GPR137B: variants seen among roughly 807,000 people sequenced by gnomAD.
GPR137B encodes the protein G protein-coupled receptor 137B.
Under a neutral mutation model 42.5 loss-of-function variants are expected in GPR137B, and 42 were observed. That is an observed-to-expected ratio of 0.99 (90% CI 0.77 to 1.28). The LOEUF is 1.28. Ranked by LOEUF, GPR137B falls within the 50% of genes most tolerant of loss-of-function variation. The pLI, the probability that GPR137B is intolerant of heterozygous loss-of-function variation, is 0.00. For synonymous variants in GPR137B, 218 were observed against 209.7 expected (o/e 1.04, Z -0.34); for missense variants, 487 against 493.9 (o/e 0.99, Z 0.13).
At chr1:236,152,067 G>A (rs897475366) in intron 1 of GPR137B, among the ~76,000 whole-genome samples, 3 of 152,140 alleles carry the variant, frequency 2.0e-5, no homozygotes, top group Admixed American at 1.3e-4. Context: ...CTATCCATGC[G>A]AGAGGGCCTC....
At position 236,156,850 on chromosome 1, in the gene GPR137B, C is replaced by T. The variant is rs1486857832; in HGVS notation, c.415-11856C>T. Among the ~76,000 whole-genome samples the T allele has an allele frequency of 2.0e-5, 3 of 152,152 alleles. No homozygotes were observed. Among genetic ancestry groups the T allele is most frequent in the Admixed American group, 1.3e-4 (2 of 15,274 alleles). On this transcript the variant is annotated intron_variant, in intron 1 of 6. Transcript: ENST00000366592. This position sits in a 1 kb window ranked among gnomAD's most constrained non-coding sequence, Gnocchi z 4.8. ...GCAGAGGGACCAGGAGAGCAAATAT[C>T]GAATGCGTCAGTGGTTCTTAACCTT...
In GPR137B at chr1:236,178,310, C is replaced by T. The variant is rs183179442; in HGVS notation, c.465-104C>T. On this transcript the variant is annotated intron_variant, in intron 2 of 6. Coordinates refer to ENST00000366592, the MANE Select transcript of GPR137B (RefSeq NM_003272.4). ...TGCCAGAGTCCAAGCTCTTAAATGT[C>T]ACCTTTGGTGTGTCTGCTTCTAGCA... The T allele has an allele frequency of 8.8e-4, 616 of 700,354 alleles. 1 individual carries two copies. The African/African-American group carries it at 0.01, about 12-fold the overall frequency. The allele number at this position is 700,354 out of a possible 1,614,324, so 43.4% of individuals were successfully genotyped here.
chr1:236,174,340 C>T (rs1201127298), intron 2 of GPR137B, among the ~76,000 whole-genome samples: 1 of 152,146 alleles, frequency 6.6e-6, no homozygotes, highest in Non-Finnish European at 1.5e-5. Flanking sequence ...TGCAGAAAGA[C>T]AGGAGGTGGA....
chr1:236,196,054 G>A (rs1209666336), intron 5 of GPR137B, among the ~76,000 whole-genome samples: 1 of 151,872 alleles, frequency 6.6e-6, no homozygotes, highest in Non-Finnish European at 1.5e-5. Context: ...TTCTTTTACT[G>A]TGCAAAAGCT....
chr1:236,189,216 C>G (rs998279059), intron 5 of GPR137B, among the ~76,000 whole-genome samples: 6 of 151,990 alleles, frequency 3.9e-5, no homozygotes, highest in African/African-American at 1.5e-4. Context: ...CTCTTTTCTT[C>G]TTTATTAGTC....
intron 1 of GPR137B, among the ~76,000 whole-genome samples, chr1:236,163,082 C>T (rs1362081915): frequency 6.6e-6 from 1 of 152,192 alleles, no homozygotes; most frequent in East Asian, 1.9e-4. Context: ...TGGAGCTGCC[C>T]AAGACCATGG....
At chr1:236,161,717 T>A (rs904783456) in intron 1 of GPR137B, among the ~76,000 whole-genome samples, 3 of 152,152 alleles carry the variant, frequency 2.0e-5, no homozygotes, top group Non-Finnish European at 2.9e-5. Context: ...CAAGATCTGA[T>A]GGGTTTATCA....
rs993669585 is a variant in GPR137B at position 236,142,781 on chromosome 1, C to G, written c.159C>G (p.Tyr53Ter). Residue 53 changes from tyrosine (Y) to a stop codon, truncating the protein, a stop_gained, in exon 1 of 7, where the codon TAC (tyrosine) becomes TAG (stop). Coordinates refer to ENST00000366592, the MANE Select transcript of GPR137B (RefSeq NM_003272.4). LOFTEE classifies it high-confidence loss of function. Reference protein sequence around the residue: ...LGLTVVYTVFYALLFVFIYVQ... With the variant: ...LGLTVVYTVF ...TCACCGTCGTCTACACCGTGTTCTA[C>G]GCGCTGCTCTTCGTGTTCATCTACG... is the stretch of plus-strand genomic sequence containing the variant. The G allele has an allele frequency of 3.7e-6, 6 of 1,613,874 alleles. No individual in the cohort carries two copies. Among genetic ancestry groups the G allele is most frequent in the Non-Finnish European group, 5.1e-6 (6 of 1,179,986 alleles).
intron 5 of GPR137B, among the ~76,000 whole-genome samples, chr1:236,185,588 C>T (rs2102915193): frequency 6.6e-6 from 1 of 152,300 alleles, no homozygotes; most frequent in Admixed American, 6.5e-5. Flanking sequence ...CAGGGTCTTG[C>T]TCTGTCACCC....
At chr1:236,149,339 A>C (rs1558477689) in intron 1 of GPR137B, among the ~76,000 whole-genome samples, 1 of 152,110 alleles carries the variant, frequency 6.6e-6, no homozygotes, top group Non-Finnish European at 1.5e-5. Flanking sequence ...AGAGGAGGAA[A>C]TTCTCCCAGG....
chr1:236,185,360 A>G (rs2102915071), intron 5 of GPR137B, among the ~76,000 whole-genome samples: 1 of 152,318 alleles, frequency 6.6e-6, no homozygotes, highest in East Asian at 1.9e-4. Context: ...GCCAGACTTC[A>G]GAGTCTAGGT....
rs148130583 is a variant in GPR137B at position 236,150,625 on chromosome 1, T to A, written c.414+7589T>A. Among the ~76,000 whole-genome samples, 2 of 152,328 alleles carry A rather than the reference T, an allele frequency of 1.3e-5. No homozygotes were observed. Among genetic ancestry groups the A allele is most frequent in the East Asian group, 3.9e-4 (2 of 5,188 alleles). On this transcript the variant is annotated intron_variant, in intron 1 of 6. Transcript: ENST00000366592. The surrounding 1 kb of genome is among the most constrained non-coding windows in gnomAD (Gnocchi z 6.2). Reference sequence around the variant, plus strand: ...AACCCCAGTGACCATGCAGGAAGCCTGGACTTCCCCACAGCAGAGGCTGGG... The same window carrying A: ...AACCCCAGTGACCATGCAGGAAGCCAGGACTTCCCCACAGCAGAGGCTGGG...
rs1025336618 is a variant in GPR137B, at chr1:236,155,739, G to A, written c.414+12703G>A. Among the ~76,000 whole-genome samples, 7 of 152,146 alleles carry A rather than the reference G, an allele frequency of 4.6e-5. No individual in the cohort carries two copies. Among genetic ancestry groups the A allele is most frequent in the Non-Finnish European group, 8.8e-5 (6 of 68,014 alleles). On this transcript the variant is annotated intron_variant, in intron 1 of 6. Transcript: ENST00000366592. This position sits in a 1 kb window ranked among gnomAD's most constrained non-coding sequence, Gnocchi z 4.6. The stretch of plus-strand genomic sequence containing the variant: ...AGGAGGGGAGAGGTGCTTGCTGCCC[G>A]GAGAGCTGAGCTGCTGGGAACAGGA...
chr1:236,208,035 TTTTTTC>T lies in GPR137B; in HGVS notation c.1092-9_1092-4del, dbSNP rs775151297. ...ATAATGTTTCAAGTCACTGAAATAT[TTTTTTC>T]TTTTTAAGTTTTGCTCCAGATTACT... On this transcript the variant is annotated splice_polypyrimidine_tract_variant and intron_variant, in intron 6 of 6. Coordinates refer to ENST00000366592, the MANE Select transcript of GPR137B (RefSeq NM_003272.4). The T allele has an allele frequency of 5.5e-5, 87 of 1,587,410 alleles. No individual in the cohort carries two copies. Among genetic ancestry groups the T allele is most frequent in the African/African-American group, 6.7e-5 (5 of 74,480 alleles).
At chr1:236,165,459 G>A (rs1030659688) in intron 1 of GPR137B, among the ~76,000 whole-genome samples, 2 of 152,172 alleles carry the variant, frequency 1.3e-5, no homozygotes, top group Non-Finnish European at 2.9e-5. Context: ...TTCCCTTTCA[G>A]GGCTAGAATG....
Position 236,156,331 on chromosome 1 carries a change from G to A in GPR137B, c.415-12375G>A, listed in dbSNP as rs1662027003. 6.6e-6 allele frequency among the ~76,000 whole-genome samples: 1 copy of A among 152,174 alleles called. No individual in the cohort carries two copies. The highest frequency in any genetic ancestry group is 2.4e-5 in the African/African-American group (1 of 41,454). ...CCCCTCTCACACCTGGCCAGCCTGG[G>A]ACACAGACCAGGCACACCTTGGCTT... On this transcript the variant is annotated intron_variant, in intron 1 of 6. Transcript: ENST00000366592. The surrounding 1 kb of genome is among the most constrained non-coding windows in gnomAD (Gnocchi z 4.8).
At position 236,208,880 on chromosome 1, in the gene GPR137B, C is replaced by T; in HGVS notation, c.*722C>T. The T allele has an allele frequency of 1.0e-6, 1 of 983,786 alleles. No homozygotes were observed. Among genetic ancestry groups the T allele is most frequent in the Non-Finnish European group, 1.2e-6 (1 of 828,624 alleles). 60.9% of individuals were successfully genotyped at this position (983,786 alleles called of 1,614,324 possible). ...ACATTAAAAATGTAGCTGACTTATC[C>T]TATTAAACCTCCTCTGCTATGTTCA... On this transcript the variant is annotated 3_prime_UTR_variant, in exon 7 of 7. Transcript: ENST00000366592.
At chr1:236,170,983 A>C (rs1036868897) in intron 2 of GPR137B, among the ~76,000 whole-genome samples, 3 of 131,860 alleles carry the variant, frequency 2.3e-5, no homozygotes, top group Admixed American at 7.5e-5. Flanking sequence ...CAAAAAAAAA[A>C]AAAAAAGGAA....
chr1:236,171,173 A>G lies in GPR137B; in HGVS notation c.464+2418A>G, dbSNP rs1428292299. On this transcript the variant is annotated intron_variant, in intron 2 of 6. Coordinates refer to ENST00000366592, the MANE Select transcript of GPR137B (RefSeq NM_003272.4). This position sits in a 1 kb window ranked among gnomAD's most constrained non-coding sequence, Gnocchi z 4.4. Reference sequence around the variant, plus strand: ...CTGTGTTTTGACTGCAATCCATCACATGAAGTCAGGTGTGGAATTCTCCAG... The same window carrying G: ...CTGTGTTTTGACTGCAATCCATCACGTGAAGTCAGGTGTGGAATTCTCCAG... 1.3e-5 allele frequency among the ~76,000 whole-genome samples: 2 copies of G among 152,198 alleles called. No individual in the cohort carries two copies. The highest frequency in any genetic ancestry group is 2.9e-5 in the Non-Finnish European group (2 of 68,028).
Sources: allele counts gnomAD v4.1 joint callset (sites outside exome capture counted in the v4.1 genomes callset), GRCh38; gene constraint gnomAD v4.1.1; non-coding constraint Gnocchi (gnomAD v3.1); transcripts MANE v1.5; gene names NCBI Gene and HGNC (gene_info 2026-07-23, HGNC 2026-07-21).